PDE4D: variants seen among roughly 807,000 people sequenced by gnomAD.
The protein encoded by PDE4D is 3',5'-cyclic-AMP phosphodiesterase 4D.
PDE4D carries 24 observed loss-of-function variants against 87.4 expected under a neutral mutation model. That is an observed-to-expected ratio of 0.27 (90% CI 0.20 to 0.39). The LOEUF is 0.39. Among genes scored for constraint, PDE4D ranks in the 10% least tolerant of loss-of-function variants. The pLI, the probability that PDE4D is intolerant of heterozygous loss-of-function variation, is 1.00. For synonymous variants in PDE4D, 384 were observed against 383.2 expected, an observed-to-expected ratio of 1.00 and a Z score of -0.02; for missense variants, 714 against 1,041.0, an observed-to-expected ratio of 0.69 and a Z score of 4.32.
At chr5:59,846,562 G>A (rs1194789751) in intron 1 of PDE4D, among the ~76,000 whole-genome samples, 2 of 151,970 alleles carry the variant, frequency 1.3e-5, no homozygotes, top group South Asian at 2.1e-4. Context: ...CAGAACCATC[G>A]AGTAGACCAT....
In PDE4D at chr5:59,015,608, A is replaced by C. The variant is rs1419201455; in HGVS notation, c.922-22143T>G. 5.9e-5 allele frequency among the ~76,000 whole-genome samples: 9 copies of C among 152,216 alleles called. No homozygotes were observed. In the South Asian group the frequency reaches 1.9e-3, roughly 32 times the overall value. ...CACACCAGTTAGAATGGCAATCATT[A>C]AAAAGTCAGGAAACAACAGGTGCTG... is the stretch of plus-strand genomic sequence containing the variant. On this transcript the variant is annotated intron_variant, in intron 6 of 14. Transcript: ENST00000340635.
At chr5:60,197,301 G>T (rs1425867897) in intron 1 of PDE4D, among the ~76,000 whole-genome samples, 1 of 151,476 alleles carries the variant, frequency 6.6e-6, no homozygotes, top group Admixed American at 6.6e-5. Context: ...GATACCTTCA[G>T]AAGTTCCTTT....
chr5:59,338,539 C>T (rs980047823), intron 1 of PDE4D, among the ~76,000 whole-genome samples: 11 of 151,998 alleles, frequency 7.2e-5, no homozygotes, highest in Non-Finnish European at 1.5e-4. Context: ...TAGGCAGTGC[C>T]GAAAGACTGC....
chr5:59,697,560 C>T (rs1751962141), intron 1 of PDE4D, among the ~76,000 whole-genome samples: 1 of 152,148 alleles, frequency 6.6e-6, no homozygotes, highest in African/African-American at 2.4e-5. Flanking sequence ...TCAAAGCAAA[C>T]CAATGAACAA....
At chr5:59,585,754 G>C (rs752858063) in intron 1 of PDE4D, among the ~76,000 whole-genome samples, 1 of 152,170 alleles carries the variant, frequency 6.6e-6, no homozygotes, top group East Asian at 1.9e-4. Context: ...AGTTCTATGA[G>C]AGCCTGAGCA....
chr5:60,018,389 C>T (rs1045307607), intron 2 of PDE4D, among the ~76,000 whole-genome samples: 1 of 152,082 alleles, frequency 6.6e-6, no homozygotes, highest in Non-Finnish European at 1.5e-5. Flanking sequence ...AAAACCATAC[C>T]AAAATATAAA....
intron 1 of PDE4D, among the ~76,000 whole-genome samples, chr5:59,867,842 T>C (rs1747266891): frequency 6.6e-6 from 1 of 152,222 alleles, no homozygotes; most frequent in Non-Finnish European, 1.5e-5. Flanking sequence ...TATGATATAT[T>C]ATGTCTTAGC....
At chr5:59,744,004 T>A (rs545471298) in intron 1 of PDE4D, among the ~76,000 whole-genome samples, 1 of 152,236 alleles carries the variant, frequency 6.6e-6, no homozygotes, top group African/African-American at 2.4e-5. Flanking sequence ...AGAATGCAGT[T>A]AATAAGGTGA....
At chr5:59,427,558 G>A (rs371954506) in intron 1 of PDE4D, among the ~76,000 whole-genome samples, 1 of 152,256 alleles carries the variant, frequency 6.6e-6, no homozygotes, top group East Asian at 1.9e-4. Context: ...GAAGGGCCAG[G>A]CTTGATTGCT....
intron 5 of PDE4D, among the ~76,000 whole-genome samples, chr5:59,158,308 T>G (rs1437034638): frequency 6.6e-6 from 1 of 152,232 alleles, no homozygotes. Context: ...CCACTTTAGC[T>G]AAGTATGGGC....
At chr5:59,237,846 C>T (rs1209858674) in intron 1 of PDE4D, among the ~76,000 whole-genome samples, 3 of 150,982 alleles carry the variant, frequency 2.0e-5, no homozygotes, top group Non-Finnish European at 3.0e-5. Context: ...AAATGTGTAA[C>T]GTGTCCTCAC....
chr5:59,973,371 T>C (rs1454435283), intron 3 of PDE4D, among the ~76,000 whole-genome samples: 2 of 152,210 alleles, frequency 1.3e-5, no homozygotes, highest in Admixed American at 1.3e-4. Flanking sequence ...GTTTTAACTT[T>C]AACCTGGATA....
At chr5:60,349,562 T>G (rs1425693744) in intron 1 of PDE4D, among the ~76,000 whole-genome samples, 3 of 152,160 alleles carry the variant, frequency 2.0e-5, no homozygotes, top group Non-Finnish European at 4.4e-5. Flanking sequence ...CAAGCCAAAG[T>G]CCATGAATAC....
chr5:60,003,207 G>A (rs535304894), intron 2 of PDE4D, among the ~76,000 whole-genome samples: 1 of 152,188 alleles, frequency 6.6e-6, no homozygotes, highest in East Asian at 1.9e-4. Context: ...GGAGGTGAAA[G>A]ATCTCTACAC....
chr5:58,991,236 C>T (rs774172007), intron 8 of PDE4D, among the ~76,000 whole-genome samples: 1 of 152,182 alleles, frequency 6.6e-6, no homozygotes, highest in Non-Finnish European at 1.5e-5. Context: ...GAGCCAAGAT[C>T]GCGCCACTGC....
chr5:59,377,224 T>C (rs1006526731), intron 1 of PDE4D, among the ~76,000 whole-genome samples: 7 of 151,970 alleles, frequency 4.6e-5, no homozygotes, highest in Admixed American at 3.9e-4. Context: ...GAGACCATCA[T>C]GGCTAACACA....
intron 1 of PDE4D, among the ~76,000 whole-genome samples, chr5:59,518,980 GT>G (rs1489299904): frequency 1.3e-5 from 2 of 152,176 alleles, no homozygotes; most frequent in Non-Finnish European, 2.9e-5. Context: ...TGTTATCTCT[GT>G]TTATAAGACA....
intron 2 of PDE4D, among the ~76,000 whole-genome samples, chr5:60,091,924 G>A (rs1205688793): frequency 5.9e-5 from 9 of 151,288 alleles, no homozygotes; most frequent in East Asian, 5.9e-4. Context: ...GGTGGCGCGT[G>A]CCTGTAGTCC....
intron 1 of PDE4D, among the ~76,000 whole-genome samples, chr5:59,764,310 C>A (rs1762514540): frequency 6.6e-6 from 1 of 152,118 alleles, no homozygotes. Context: ...AAGGGTCCAG[C>A]CCTGTGAAAC....
Sources: allele counts gnomAD v4.1 joint callset (sites outside exome capture counted in the v4.1 genomes callset), GRCh38; gene constraint gnomAD v4.1.1; transcripts MANE v1.5; gene names NCBI Gene and HGNC (gene_info 2026-07-23, HGNC 2026-07-21).